Variants in DENND2A observed in about 807,000 individuals in gnomAD.
DENND2A encodes the protein DENN domain-containing protein 2A.
DENND2A carries 53 observed loss-of-function variants against 105.3 expected under a neutral mutation model. The ratio of observed to expected loss-of-function variants is 0.50; its 90% CI spans 0.40 to 0.63. The LOEUF is 0.63. Ranked by LOEUF, DENND2A falls within the 30% of genes least tolerant of loss-of-function variation. The probability of loss-of-function intolerance (pLI) is 0.00; values close to 1 mark genes in which losing one functional copy is unlikely to be tolerated. For missense variants in DENND2A, 1,138 were observed against 1,279.6 expected, an observed-to-expected ratio of 0.89 and a Z score of 1.69; for synonymous variants, 522 against 508.4, an observed-to-expected ratio of 1.03 and a Z score of -0.36.
chr7:140,625,392 A>AG (rs1245547184), intron 1 of DENND2A, among the ~76,000 whole-genome samples: 1 of 151,040 alleles, frequency 6.6e-6, no homozygotes. Context: ...AGAAAAAAAA[A>AG]GAACAGTCTG....
chr7:140,525,761 A>T lies in DENND2A; in HGVS notation c.2537T>A (p.Phe846Tyr), dbSNP rs769653009. Residue 846 changes from phenylalanine to tyrosine, a missense_variant, in exon 16 of 20, where the codon TTC becomes TAC. By Grantham distance (22) the Phe-to-Tyr change is conservative. Transcript: ENST00000496613. ...GCTGGCCTCACTCACCTGTCTGAGGAACCGGCTGTTGACGAGGTCAACCAC... is the reference window on the plus strand; with the variant it reads ...GCTGGCCTCACTCACCTGTCTGAGGTACCGGCTGTTGACGAGGTCAACCAC... ...VLVVDLVNSR[F>Y]LRQMDDEDSI... 1 of 1,606,908 alleles carries T rather than the reference A, an allele frequency of 6.2e-7. No homozygotes were observed. The highest frequency in any genetic ancestry group is 8.5e-7 in the Non-Finnish European group (1 of 1,176,528).
chr7:140,552,983 G>T (rs115888080), intron 12 of DENND2A, among the ~76,000 whole-genome samples: 3 of 152,132 alleles, frequency 2.0e-5, no homozygotes, highest in African/African-American at 7.2e-5. Flanking sequence ...GCTTTTAGGG[G>T]TGAAGGGGTG....
intron 3 of DENND2A, among the ~76,000 whole-genome samples, chr7:140,601,197 G>A (rs146003431): frequency 0.012 from 1,885 of 152,218 alleles, 56 homozygotes; most frequent in Admixed American, 0.064. Context: ...CTTTTTTGAG[G>A]ACTGAGAACA....
chr7:140,584,165 C>A (rs1332662557), intron 5 of DENND2A, among the ~76,000 whole-genome samples: 1 of 151,350 alleles, frequency 6.6e-6, no homozygotes, highest in Non-Finnish European at 1.5e-5. Context: ...TTGCTTGAAC[C>A]CGGGAGGTGG....
At chr7:140,626,658 C>T (rs1378055355) in intron 1 of DENND2A, among the ~76,000 whole-genome samples, 5 of 152,192 alleles carry the variant, frequency 3.3e-5, no homozygotes, top group Non-Finnish European at 7.3e-5. Flanking sequence ...TCTTCCTTTC[C>T]TCCCCTCAGA....
At chr7:140,612,767 A>G (rs899983621) in intron 1 of DENND2A, among the ~76,000 whole-genome samples, 1 of 152,090 alleles carries the variant, frequency 6.6e-6, no homozygotes, top group Non-Finnish European at 1.5e-5. Context: ...CTCCCAAAGT[A>G]CTGGGATTAC....
At position 140,560,760 on chromosome 7, in the gene DENND2A, C is replaced by T. The variant is rs530903864; in HGVS notation, c.1780-943G>A. Among the ~76,000 whole-genome samples the T allele has an allele frequency of 3.8e-4, 58 of 152,060 alleles. 1 individual carries two copies. The South Asian group carries it at 5.4e-3, about 14-fold the overall frequency. ...CAGCCTGGCCAACATGGGGAGACCC[C>T]GTCTGTACTAAAAATACAAAAAAAT... On this transcript the variant is annotated intron_variant, in intron 9 of 19. Transcript: ENST00000496613.
intron 9 of DENND2A, among the ~76,000 whole-genome samples, chr7:140,561,852 C>T (rs1297084155): frequency 1.3e-5 from 2 of 151,686 alleles, no homozygotes; most frequent in Non-Finnish European, 2.9e-5. Flanking sequence ...GCATCAATTT[C>T]TTTGTTTCCA....
intron 12 of DENND2A, among the ~76,000 whole-genome samples, chr7:140,553,460 C>T (rs1223195113): frequency 6.6e-6 from 1 of 152,132 alleles, no homozygotes; most frequent in Admixed American, 6.6e-5. Flanking sequence ...AGATGCATTC[C>T]TCTTGTCTCA....
intron 11 of DENND2A, among the ~76,000 whole-genome samples, chr7:140,555,974 G>A (rs1797349639): frequency 6.6e-6 from 1 of 152,034 alleles, no homozygotes; most frequent in South Asian, 2.1e-4. Context: ...TCAGTTTTAA[G>A]CTAATTTTCA....
At chr7:140,530,555 C>G (rs1161725554) in intron 14 of DENND2A, among the ~76,000 whole-genome samples, 1 of 151,884 alleles carries the variant, frequency 6.6e-6, no homozygotes, top group East Asian at 1.9e-4. Flanking sequence ...AAACGCTACC[C>G]CAAGATTTCA....
rs527722514 is a variant in DENND2A, at chr7:140,581,739, G to A, written c.1245+3850C>T. On this transcript the variant is annotated intron_variant, in intron 5 of 19. Transcript: ENST00000496613. ...GCAAGGATCCGTGGCAATCAGACAC[G>A]TGCTCTGGACAACTGGATTCTCTTT... Among the ~76,000 whole-genome samples, 8 of 152,298 alleles carry A rather than the reference G, an allele frequency of 5.3e-5. 1 individual carries two copies. In the South Asian group the frequency reaches 1.2e-3, roughly 24 times the overall value.
At chr7:140,573,684 G>T in intron 6 of DENND2A, 124 bp downstream of exon 6, 1 of 1,128,114 alleles carries the variant, frequency 8.9e-7, no homozygotes, top group Non-Finnish European at 1.3e-6. Context: ...GTGTCCCCCT[G>T]GCCTGCAGCA....
chr7:140,569,407 G>T (rs915386376), intron 7 of DENND2A, among the ~76,000 whole-genome samples: 3 of 152,240 alleles, frequency 2.0e-5, no homozygotes, highest in African/African-American at 7.2e-5. Context: ...AGTCAGGCCA[G>T]GGCCTGCAGT....
intron 6 of DENND2A, among the ~76,000 whole-genome samples, 195 bp from the exon 7 acceptor site, chr7:140,569,933 C>T (rs1437925277): frequency 2.0e-5 from 3 of 151,774 alleles, no homozygotes; most frequent in Admixed American, 6.6e-5. Flanking sequence ...TCGCTCTTGT[C>T]GACCAGACTG....
intron 1 of DENND2A, among the ~76,000 whole-genome samples, chr7:140,636,374 A>G (rs1204273940): frequency 1.3e-5 from 2 of 152,188 alleles, no homozygotes; most frequent in African/African-American, 4.8e-5. Flanking sequence ...GAAGGAACAG[A>G]GGAGGGCTGG....
At chr7:140,557,794 T>C (rs948020647) in intron 11 of DENND2A, among the ~76,000 whole-genome samples, 2 of 151,250 alleles carry the variant, frequency 1.3e-5, no homozygotes, top group African/African-American at 4.8e-5. Flanking sequence ...CGTCTCGGCC[T>C]CCCAAAGTGC....
Position 140,602,345 on chromosome 7 carries a change from C to G in DENND2A, c.53G>C (p.Ser18Thr). ...TCTGAGCTGCTTCTTCCCAGCCCTG[C>G]TGGCTTCTGCAGCTGGGTCACTGAT... is the stretch of plus-strand genomic sequence containing the variant. ...MIISDPAAEASRAGKKQLRGV... is the reference protein window; with the variant it reads ...MIISDPAAEATRAGKKQLRGV... Residue 18 changes from serine (S) to threonine (T), a missense_variant, in exon 3 of 20, where the codon AGC becomes ACC. Ser to Thr is a moderately conservative substitution (Grantham distance 58, BLOSUM62 1). This residue lies in a region of DENND2A where 511 missense variants were observed against 499.9 expected (regional missense o/e 1.02). Coordinates refer to ENST00000496613, the MANE Select transcript of DENND2A (RefSeq NM_015689.5). 1 of 1,595,392 alleles carries G rather than the reference C, an allele frequency of 6.3e-7. No homozygotes were observed. Among genetic ancestry groups the G allele is most frequent in the Non-Finnish European group, 8.5e-7 (1 of 1,175,188 alleles).
At chr7:140,572,552 G>C (rs1798135528) in intron 6 of DENND2A, among the ~76,000 whole-genome samples, 1 of 151,492 alleles carries the variant, frequency 6.6e-6, no homozygotes, top group African/African-American at 2.4e-5. Context: ...CACGCGGTCA[G>C]CAGTTCGAGA....
Sources: allele counts gnomAD v4.1 joint callset (sites outside exome capture counted in the v4.1 genomes callset), GRCh38; gene constraint gnomAD v4.1.1; regional missense constraint gnomAD v4.1.1; transcripts MANE v1.5; gene names NCBI Gene and HGNC (gene_info 2026-07-23, HGNC 2026-07-21).